HIF1AN: variants seen among roughly 807,000 people sequenced by gnomAD.
HIF1AN encodes the protein hypoxia inducible factor 1 subunit alpha inhibitor, also known as hypoxia-inducible factor 1-alpha inhibitor.
Under a neutral mutation model 47.7 loss-of-function variants are expected in HIF1AN, and 21 were observed. The ratio of observed to expected loss-of-function variants is 0.44; its 90% CI spans 0.31 to 0.63. HIF1AN has a LOEUF of 0.63. Ranked by LOEUF, HIF1AN falls within the 30% of genes least tolerant of loss-of-function variation. The pLI, the probability that HIF1AN is intolerant of heterozygous loss-of-function variation, is 0.07. For missense variants in HIF1AN, 320 were observed against 432.7 expected (o/e 0.74, Z 2.31); for synonymous variants, 152 against 155.9 (o/e 0.98, Z 0.18).
Position 100,548,328 on chromosome 10 carries a change from T to A in HIF1AN, c.*191T>A, listed in dbSNP as rs920930688. ...GCACTCCACTCCTATTTGGAGGGAC[T>A]TCATACCCTTGCCTCTTGTGCCCCA... On this transcript the variant is annotated 3_prime_UTR_variant, in exon 8 of 8. Coordinates refer to ENST00000299163, the MANE Select transcript of HIF1AN (RefSeq NM_017902.3). 2.0e-6 allele frequency: 1 copy of A among 510,200 alleles called. No homozygotes were observed. The highest frequency in any genetic ancestry group is 3.1e-5 in the South Asian group (1 of 32,360). The allele number at this position is 510,200 out of a possible 1,614,324, so 31.6% of individuals were successfully genotyped here. A position where few individuals can be genotyped will look rare whatever the true frequency, so the allele number is the denominator to read the frequency against.
intron 2 of HIF1AN, among the ~76,000 whole-genome samples, chr10:100,539,734 A>G (rs897939833): frequency 6.6e-6 from 1 of 152,242 alleles, no homozygotes; most frequent in Admixed American, 6.5e-5. Flanking sequence ...TTCCTTGGCC[A>G]GAGCAGCGTA....
intron 2 of HIF1AN, among the ~76,000 whole-genome samples, chr10:100,536,984 T>C (rs374869795): frequency 2.6e-5 from 4 of 152,190 alleles, no homozygotes; most frequent in Non-Finnish European, 2.9e-5. Flanking sequence ...AGGAGTAATA[T>C]CGTCTGTGTG....
In HIF1AN at chr10:100,556,265, A is replaced by G. The variant is rs551216375; in HGVS notation, c.*8128A>G. On this transcript the variant is annotated 3_prime_UTR_variant, in exon 8 of 8. Transcript: ENST00000299163. ...CTATCACCTATGCCATCAGTGGGGAATGACCTTCCAAAAATATTTTTAACA... is the reference window on the plus strand; with the variant it reads ...CTATCACCTATGCCATCAGTGGGGAGTGACCTTCCAAAAATATTTTTAACA... 1 of 152,340 alleles carries G rather than the reference A, an allele frequency of 6.6e-6. No individual in the cohort carries two copies. The highest frequency in any genetic ancestry group is 1.9e-4 in the East Asian group (1 of 5,192). 9.4% of individuals were successfully genotyped at this position (152,340 alleles called of 1,614,324 possible). A position where few individuals can be genotyped will look rare whatever the true frequency, so the allele number is the denominator to read the frequency against.
rs1022955409 is a variant in HIF1AN at position 100,554,346 on chromosome 10, A to AT, written c.*6210dup. On this transcript the variant is annotated 3_prime_UTR_variant, in exon 8 of 8. Transcript: ENST00000299163. The stretch of plus-strand genomic sequence containing the variant: ...ATGCCTTTCCATGTATTTAAATTAT[A>AT]TAAGTGTTGGCCAGGTGTGGTGGCT... 2.0e-5 allele frequency: 3 copies of AT among 152,182 alleles called. No individual in the cohort carries two copies. The highest frequency in any genetic ancestry group is 7.2e-5 in the African/African-American group (3 of 41,420). The allele number at this position is 152,182 out of a possible 1,614,324, so 9.4% of individuals were successfully genotyped here. A position where few individuals can be genotyped will look rare whatever the true frequency, so the allele number is the denominator to read the frequency against.
chr10:100,547,291 C>A, intron 7 of HIF1AN, 41 bp downstream of exon 7: 4 of 1,224,806 alleles, frequency 3.3e-6, no homozygotes, highest in Non-Finnish European at 4.8e-6. Flanking sequence ...GTGGGTTGAC[C>A]AAGGAAAGTC....
intron 6 of HIF1AN, among the ~76,000 whole-genome samples, chr10:100,546,865 G>A (rs1164832216): frequency 6.6e-6 from 1 of 151,970 alleles, no homozygotes; most frequent in Non-Finnish European, 1.5e-5. Context: ...TCAGCCTCCC[G>A]AGTAGTTGGG....
At chr10:100,537,921 T>C (rs1246944593) in intron 2 of HIF1AN, among the ~76,000 whole-genome samples, 2 of 152,248 alleles carry the variant, frequency 1.3e-5, no homozygotes, top group African/African-American at 4.8e-5. Context: ...GTCCATGATG[T>C]CTTAATATAT....
chr10:100,539,858 A>G (rs934369442), intron 2 of HIF1AN, among the ~76,000 whole-genome samples: 3 of 152,186 alleles, frequency 2.0e-5, no homozygotes, highest in Admixed American at 2.0e-4. Context: ...GCCAACGGAG[A>G]TGTCTCAGGC....
Position 100,548,194 on chromosome 10 carries a change from A to C in HIF1AN, c.*57A>C. 3 of 1,466,594 alleles carry C rather than the reference A, an allele frequency of 2.0e-6. No individual in the cohort carries two copies. The highest frequency in any genetic ancestry group is 2.8e-6 in the Non-Finnish European group (3 of 1,071,456). The allele number at this position is 1,466,594 out of a possible 1,614,324, so 90.8% of individuals were successfully genotyped here. ...ACTGCTATCCCGTCCACACCGCTTCATTGATGAGGACAGGAGACTCCAAGC... is the reference window on the plus strand; with the variant it reads ...ACTGCTATCCCGTCCACACCGCTTCCTTGATGAGGACAGGAGACTCCAAGC... On this transcript the variant is annotated 3_prime_UTR_variant, in exon 8 of 8. Coordinates refer to ENST00000299163, the MANE Select transcript of HIF1AN (RefSeq NM_017902.3).
At position 100,541,338 on chromosome 10, in the gene HIF1AN, C is replaced by T. The variant is rs181387549; in HGVS notation, c.577+556C>T. 6.6e-4 allele frequency among the ~76,000 whole-genome samples: 101 copies of T among 152,320 alleles called. 1 individual carries two copies. The highest frequency in any genetic ancestry group is 2.4e-3 in the African/African-American group (100 of 41,564). On this transcript the variant is annotated intron_variant, in intron 3 of 7. Coordinates refer to ENST00000299163, the MANE Select transcript of HIF1AN (RefSeq NM_017902.3). ...GCCAGAAGTTTGAGGCTACAGTGAACTATGATTGCACCACTGCACTGCAGC... is the reference window on the plus strand; with the variant it reads ...GCCAGAAGTTTGAGGCTACAGTGAATTATGATTGCACCACTGCACTGCAGC...
intron 2 of HIF1AN, among the ~76,000 whole-genome samples, chr10:100,538,023 G>A (rs1299446497): frequency 9.9e-5 from 15 of 152,188 alleles, no homozygotes; most frequent in Admixed American, 9.2e-4. Context: ...TTGAGAGAAA[G>A]ATTGATTTAA....
In HIF1AN at chr10:100,552,452, A is replaced by G. The variant is rs1311457211; in HGVS notation, c.*4315A>G. 1 of 152,430 alleles carries G rather than the reference A, an allele frequency of 6.6e-6. No homozygotes were observed. The allele number at this position is 152,430 out of a possible 1,614,324, so 9.4% of individuals were successfully genotyped here. ...GATGAGGTATACCTAGAAGTAGCTC[A>G]GGGCTCCAGAGTCTGGCCTTTCAGC... On this transcript the variant is annotated 3_prime_UTR_variant, in exon 8 of 8. Coordinates refer to ENST00000299163, the MANE Select transcript of HIF1AN (RefSeq NM_017902.3).
At chr10:100,546,295 AC>A (rs1843093233) in intron 5 of HIF1AN, among the ~76,000 whole-genome samples, 2 of 151,958 alleles carry the variant, frequency 1.3e-5, no homozygotes, top group Admixed American at 6.6e-5. Flanking sequence ...GCCTAGAAAA[AC>A]TGTTCTTGGC....
Position 100,545,937 on chromosome 10 carries a change from T to C in HIF1AN, c.724-6T>C. 6.2e-7 allele frequency: 1 copy of C among 1,603,610 alleles called. No individual in the cohort carries two copies. Among genetic ancestry groups the C allele is most frequent in the African/African-American group, 1.3e-5 (1 of 74,792 alleles). ...ATATTTTTTTTCTTTCTCTTGAACC[T>C]CTTAGGTGGACTTTGACAATCCCGA... On this transcript the variant is annotated splice_polypyrimidine_tract_variant and splice_region_variant and intron_variant, in intron 4 of 7. Transcript: ENST00000299163.
intron 3 of HIF1AN, 134 bp from the exon 4 acceptor site, chr10:100,544,816 TG>T: frequency 1.3e-6 from 1 of 752,318 alleles, no homozygotes; most frequent in Admixed American, 2.5e-5. Context: ...GGAATTTCCC[TG>T]ATTCTGCCTA....
At position 100,551,518 on chromosome 10, in the gene HIF1AN, C is replaced by T. The variant is rs1482552620; in HGVS notation, c.*3381C>T. The T allele has an allele frequency of 6.6e-6, 1 of 152,152 alleles. No homozygotes were observed. Among genetic ancestry groups the T allele is most frequent in the African/African-American group, 2.4e-5 (1 of 41,428 alleles). 9.4% of individuals were successfully genotyped at this position (152,152 alleles called of 1,614,324 possible). A position where few individuals can be genotyped will look rare whatever the true frequency, so the allele number is the denominator to read the frequency against. On this transcript the variant is annotated 3_prime_UTR_variant, in exon 8 of 8. Transcript: ENST00000299163. ...TGTATTTCTTAACAAAGATTAGGGA[C>T]CCAGTTGCCAGCCTGAGATGGATAT...
At chr10:100,543,459 C>T (rs1455268014) in intron 3 of HIF1AN, among the ~76,000 whole-genome samples, 1 of 152,126 alleles carries the variant, frequency 6.6e-6, no homozygotes, top group South Asian at 2.1e-4. Flanking sequence ...GTGATCCTCT[C>T]ACCTTGGCCC....
At position 100,548,180 on chromosome 10, in the gene HIF1AN, G is replaced by A. The variant is rs756266852; in HGVS notation, c.*43G>A. ...CCTCCTGCCAGGTGACTGCTATCCCGTCCACACCGCTTCATTGATGAGGAC... is the reference window on the plus strand; with the variant it reads ...CCTCCTGCCAGGTGACTGCTATCCCATCCACACCGCTTCATTGATGAGGAC... On this transcript the variant is annotated 3_prime_UTR_variant, in exon 8 of 8. Coordinates refer to ENST00000299163, the MANE Select transcript of HIF1AN (RefSeq NM_017902.3). 1.9e-5 allele frequency: 29 copies of A among 1,535,392 alleles called. No homozygotes were observed. The highest frequency in any genetic ancestry group is 5.5e-5 in the African/African-American group (4 of 72,688).
At position 100,548,008 on chromosome 10, in the gene HIF1AN, A is replaced by C. The variant is rs1361624787; in HGVS notation, c.1006-85A>C. On this transcript the variant is annotated intron_variant, in intron 7 of 7. Coordinates refer to ENST00000299163, the MANE Select transcript of HIF1AN (RefSeq NM_017902.3). ...AAACATTGTCTCTGTCCTTGGCTGG[A>C]CATCTGATGTCTCCAGACACACCCT... The C allele has an allele frequency of 4.8e-5, 59 of 1,220,646 alleles. No individual in the cohort carries two copies. In the Admixed American group the frequency reaches 5.2e-4, roughly 11 times the overall value. 75.6% of individuals were successfully genotyped at this position (1,220,646 alleles called of 1,614,324 possible).
Sources: allele counts gnomAD v4.1 joint callset (sites outside exome capture counted in the v4.1 genomes callset), GRCh38; gene constraint gnomAD v4.1.1; transcripts MANE v1.5; gene names NCBI Gene and HGNC (gene_info 2026-07-23, HGNC 2026-07-21).